Variants in SCFD2 observed in about 807,000 individuals in gnomAD.
SCFD2 encodes the protein sec1 family domain-containing protein 2.
A neutral mutation model predicts 58.9 loss-of-function variants in SCFD2; 54 were observed. The ratio of observed to expected loss-of-function variants is 0.92; its 90% CI spans 0.74 to 1.15. The LOEUF is 1.15. Ranked by LOEUF, SCFD2 falls within the 50% of genes most tolerant of loss-of-function variation. The probability of loss-of-function intolerance (pLI) is 0.00; values close to 1 mark genes in which losing one functional copy is unlikely to be tolerated. For synonymous variants in SCFD2, 321 were observed against 335.9 expected, an observed-to-expected ratio of 0.96 and a Z score of 0.49; for missense variants, 805 against 836.6, an observed-to-expected ratio of 0.96 and a Z score of 0.47.
intron 4 of SCFD2, among the ~76,000 whole-genome samples, chr4:53,189,835 C>T (rs1428675911): frequency 1.3e-5 from 2 of 152,216 alleles, no homozygotes; most frequent in Admixed American, 1.3e-4. Context: ...TAGAATACAT[C>T]ACCAGAATAT....
intron 5 of SCFD2, among the ~76,000 whole-genome samples, chr4:53,008,581 C>A (rs1386833977): frequency 6.6e-6 from 1 of 152,152 alleles, no homozygotes; most frequent in Non-Finnish European, 1.5e-5. Context: ...GCTATGTAAA[C>A]TTGCTCAGTG....
intron 3 of SCFD2, among the ~76,000 whole-genome samples, chr4:53,298,246 C>T (rs369816468): frequency 4.1e-4 from 62 of 152,288 alleles, no homozygotes; most frequent in Admixed American, 3.4e-3. Flanking sequence ...CACTCCCACC[C>T]TAATACTGTG....
intron 4 of SCFD2, among the ~76,000 whole-genome samples, chr4:53,228,947 A>T (rs1380029196): frequency 2.6e-5 from 4 of 152,226 alleles, no homozygotes; most frequent in Admixed American, 2.6e-4. Flanking sequence ...TCAATGTGCA[A>T]AAATCACAAG....
chr4:53,329,864 G>A (rs1238125407), intron 2 of SCFD2, among the ~76,000 whole-genome samples: 2 of 151,926 alleles, frequency 1.3e-5, no homozygotes, highest in African/African-American at 4.8e-5. Context: ...TTAGAAGAAT[G>A]TATAACTAGA....
chr4:53,207,343 G>A (rs1168558149), intron 4 of SCFD2, among the ~76,000 whole-genome samples: 2 of 147,896 alleles, frequency 1.4e-5, no homozygotes, highest in Non-Finnish European at 3.0e-5. Flanking sequence ...TGGCAAGAGG[G>A]GAGAATTTTT....
intron 5 of SCFD2, among the ~76,000 whole-genome samples, chr4:53,043,454 C>G (rs1361592405): frequency 6.6e-6 from 1 of 152,046 alleles, no homozygotes; most frequent in Non-Finnish European, 1.5e-5. Context: ...AATTGGTGAC[C>G]ATGTTGCTGT....
chr4:53,057,962 G>A (rs1723395366), intron 5 of SCFD2, among the ~76,000 whole-genome samples: 2 of 152,054 alleles, frequency 1.3e-5, no homozygotes, highest in Non-Finnish European at 2.9e-5. Flanking sequence ...GGGTAGAAAA[G>A]TACTGAGCAC....
rs543502534 is a variant in SCFD2 at position 53,247,721 on chromosome 4, C to T, written c.1311+26105G>A. 1.8e-3 allele frequency among the ~76,000 whole-genome samples: 264 copies of T among 149,752 alleles called. 1 individual carries two copies. The highest frequency in any genetic ancestry group is 3.5e-3 in the Admixed American group (52 of 15,026). ...AAAAAAATACAAAAAATTAGCCGGG[C>T]GCGGTGGCGGGCGCCTGTAGTCCCA... On this transcript the variant is annotated intron_variant, in intron 4 of 8. Transcript: ENST00000401642.
At chr4:52,888,631 C>T (rs1718807885) in intron 7 of SCFD2, among the ~76,000 whole-genome samples, 3 of 152,214 alleles carry the variant, frequency 2.0e-5, no homozygotes, top group Admixed American at 1.3e-4. Flanking sequence ...TGACACCCTT[C>T]TTAGGTACCA....
chr4:53,032,647 A>C (rs1377990309), intron 5 of SCFD2, among the ~76,000 whole-genome samples: 2 of 152,140 alleles, frequency 1.3e-5, no homozygotes, highest in Non-Finnish European at 2.9e-5. Context: ...ACAAAAAACA[A>C]AAAACAGGGG....
At position 52,916,625 on chromosome 4, in the gene SCFD2, G is replaced by A. The variant is rs189896382; in HGVS notation, c.1707+4100C>T. Among the ~76,000 whole-genome samples the A allele has an allele frequency of 2.5e-3, 388 of 152,250 alleles. 1 individual carries two copies. The highest frequency in any genetic ancestry group is 8.5e-3 in the South Asian group (41 of 4,826). Reference sequence around the variant, plus strand: ...AAACACTTTCTGCACAGGCACAGTTGGGGGCTTAGGTTTCCAGTCAACAGA... The same window carrying A: ...AAACACTTTCTGCACAGGCACAGTTAGGGGCTTAGGTTTCCAGTCAACAGA... On this transcript the variant is annotated intron_variant, in intron 6 of 8. Transcript: ENST00000401642.
At chr4:53,261,136 T>C (rs753074285) in intron 4 of SCFD2, among the ~76,000 whole-genome samples, 1 of 152,126 alleles carries the variant, frequency 6.6e-6, no homozygotes, top group African/African-American at 2.4e-5. Context: ...TTAATGTCGC[T>C]AATATTCTAT....
intron 6 of SCFD2, among the ~76,000 whole-genome samples, chr4:52,911,444 A>G (rs1236864280): frequency 6.6e-6 from 1 of 152,176 alleles, no homozygotes; most frequent in Non-Finnish European, 1.5e-5. Flanking sequence ...TGTTTTCTCA[A>G]CCTCTTCATT....
intron 6 of SCFD2, among the ~76,000 whole-genome samples, chr4:52,914,276 TATA>T (rs985255878): frequency 3.9e-5 from 6 of 152,140 alleles, no homozygotes; most frequent in Admixed American, 2.6e-4. Flanking sequence ...CTTCTCTGAG[TATA>T]ATGATTCTTG....
chr4:53,007,403 AAGGG>A lies in SCFD2; in HGVS notation c.1562-86537_1562-86534del, dbSNP rs777275492. Among the ~76,000 whole-genome samples, 449 of 116,764 alleles carry A rather than the reference AAGGG, an allele frequency of 3.8e-3. 2 individuals carry two copies. Among genetic ancestry groups the A allele is most frequent in the East Asian group, 4.4e-3 (17 of 3,846 alleles). 76.6% of individuals were successfully genotyped at this position (116,764 alleles called of 152,430 possible). ...GAAGGAAAGAAGGAAGGAAGGAAGG[AAGGG>A]AGGGAGGGAGGGAGGGAGGGAGGGA... On this transcript the variant is annotated intron_variant, in intron 5 of 8. Transcript: ENST00000401642.
At chr4:52,893,465 A>G (rs1483674682) in intron 7 of SCFD2, among the ~76,000 whole-genome samples, 1 of 152,160 alleles carries the variant, frequency 6.6e-6, no homozygotes, top group Non-Finnish European at 1.5e-5. Context: ...GTCTTTACTG[A>G]CAGCCCATCA....
At chr4:53,056,253 G>A (rs1723336246) in intron 5 of SCFD2, among the ~76,000 whole-genome samples, 1 of 151,450 alleles carries the variant, frequency 6.6e-6, no homozygotes, top group Non-Finnish European at 1.5e-5. Context: ...CAGCTAAGCT[G>A]CATTAAAATA....
chr4:52,877,340 G>T (rs576852118), intron 8 of SCFD2, among the ~76,000 whole-genome samples: 7 of 152,232 alleles, frequency 4.6e-5, no homozygotes, highest in Non-Finnish European at 1.0e-4. Context: ...GGAAAACAGG[G>T]GCTTCTCAAG....
At chr4:53,023,022 T>A (rs1257227571) in intron 5 of SCFD2, among the ~76,000 whole-genome samples, 2 of 152,198 alleles carry the variant, frequency 1.3e-5, no homozygotes, top group Admixed American at 6.5e-5. Context: ...ATTAAACCTC[T>A]TTAGTGCATC....
Sources: allele counts gnomAD v4.1 joint callset (sites outside exome capture counted in the v4.1 genomes callset), GRCh38; gene constraint gnomAD v4.1.1; transcripts MANE v1.5; gene names NCBI Gene and HGNC (gene_info 2026-07-23, HGNC 2026-07-21).